Variants in NRF1 observed in about 807,000 individuals in gnomAD.
NRF1 encodes the protein alpha palindromic-binding protein.
A neutral mutation model predicts 58.5 loss-of-function variants in NRF1; 5 were observed. The observed-to-expected ratio is 0.09, with a 90% CI of 0.04 to 0.18. The LOEUF is 0.18. NRF1 is among the 10% of genes least tolerant of loss of function. The probability of loss-of-function intolerance (pLI) is 1.00; values close to 1 mark genes in which losing one functional copy is unlikely to be tolerated. For synonymous variants in NRF1, 224 were observed against 246.7 expected (o/e 0.91, Z 0.86); for missense variants, 288 against 657.7 (o/e 0.44, Z 6.15).
intron 1 of NRF1, among the ~76,000 whole-genome samples, chr7:129,628,067 G>A (rs571643098): frequency 6.0e-5 from 7 of 117,380 alleles, no homozygotes; most frequent in Admixed American, 1.1e-4. Flanking sequence ...TTTTTGAGAC[G>A]GAGTCTTGCT....
intron 2 of NRF1, among the ~76,000 whole-genome samples, chr7:129,664,139 G>A (rs982814177): frequency 1.3e-5 from 2 of 151,984 alleles, no homozygotes; most frequent in African/African-American, 4.8e-5. Context: ...AAAGGGGGAG[G>A]GGGAGGGGGA....
In NRF1 at chr7:129,626,402, G is replaced by T. The variant is rs1800920674; in HGVS notation, c.-7+14578G>T. Among the ~76,000 whole-genome samples, 3 of 152,136 alleles carry T rather than the reference G, an allele frequency of 2.0e-5. No homozygotes were observed. The South Asian group carries it at 6.2e-4, about 32-fold the overall frequency. ...GCCAACTGTGAGGCAGTCTAAGTTT[G>T]AATTAGGTTTATCTGTAGCCACATC... is the stretch of plus-strand genomic sequence containing the variant. On this transcript the variant is annotated intron_variant, in intron 1 of 10. Coordinates refer to ENST00000393232, the MANE Select transcript of NRF1 (RefSeq NM_005011.5).
At chr7:129,641,616 T>C (rs1801290430) in intron 1 of NRF1, 1 of 152,226 alleles carries the variant, frequency 6.6e-6, no homozygotes. Flanking sequence ...CTCAAAATGT[T>C]TATGTCTTTT....
At position 129,692,772 on chromosome 7, in the gene NRF1, T is replaced by C. The variant is rs539426693; in HGVS notation, c.606+2226T>C. Among the ~76,000 whole-genome samples, 5 of 152,252 alleles carry C rather than the reference T, an allele frequency of 3.3e-5. No homozygotes were observed. In the South Asian group the frequency reaches 8.3e-4, roughly 25 times the overall value. On this transcript the variant is annotated intron_variant, in intron 5 of 10. Transcript: ENST00000393232. ...GGGCTGCGGCCACTGTAGCCCTCTT[T>C]TCCTCAAACACCCTGCATCCGTTAT...
At chr7:129,627,393 A>G (rs567907546) in intron 1 of NRF1, among the ~76,000 whole-genome samples, 3 of 149,434 alleles carry the variant, frequency 2.0e-5, no homozygotes, top group African/African-American at 7.4e-5. Flanking sequence ...TTTTCTTTTT[A>G]TTTTTTTCGT....
At chr7:129,620,775 G>A (rs2151056146) in intron 1 of NRF1, among the ~76,000 whole-genome samples, 1 of 152,324 alleles carries the variant, frequency 6.6e-6, no homozygotes, top group East Asian at 1.9e-4. Flanking sequence ...CTACCAAGCT[G>A]GCTCATCTGT....
In NRF1 at chr7:129,622,601, G is replaced by A. The variant is rs547926744; in HGVS notation, c.-7+10777G>A. Among the ~76,000 whole-genome samples, 21 of 136,318 alleles carry A rather than the reference G, an allele frequency of 1.5e-4. No individual in the cohort carries two copies. In the South Asian group the frequency reaches 4.2e-3, roughly 28 times the overall value. The allele number at this position is 136,318 out of a possible 152,430, so 89.4% of individuals were successfully genotyped here. A position where few individuals can be genotyped will look rare whatever the true frequency, so the allele number is the denominator to read the frequency against. On this transcript the variant is annotated intron_variant, in intron 1 of 10. Transcript: ENST00000393232. ...TTTTTTTTTTTTGAGACAATGTCTC[G>A]CTCTGTTGCCCAGACTGGAGTGCAG... is the stretch of plus-strand genomic sequence containing the variant.
At chr7:129,742,275 TAAAAAAAA>T (rs71167214) in intron 10 of NRF1, among the ~76,000 whole-genome samples, 4 of 126,786 alleles carry the variant, frequency 3.2e-5, no homozygotes, top group African/African-American at 1.2e-4. Flanking sequence ...TGAAATTGAT[TAAAAAAAA>T]AAAAAAAAAC....
At chr7:129,632,935 A>G (rs1801083072) in intron 1 of NRF1, among the ~76,000 whole-genome samples, 1 of 152,146 alleles carries the variant, frequency 6.6e-6, no homozygotes, top group Non-Finnish European at 1.5e-5. Flanking sequence ...CCACTTATGT[A>G]TGTATTTTTT....
chr7:129,710,727 G>C (rs45491199), intron 7 of NRF1, among the ~76,000 whole-genome samples, 156 bp downstream of exon 7: 73 of 152,234 alleles, frequency 4.8e-4, no homozygotes, highest in African/African-American at 1.7e-3. Context: ...CTGAAGAATA[G>C]TTTAAATTCT....
chr7:129,649,545 C>T (rs952326501), intron 1 of NRF1, among the ~76,000 whole-genome samples: 1 of 152,130 alleles, frequency 6.6e-6, no homozygotes, highest in Non-Finnish European at 1.5e-5. Context: ...ATTTAACTCC[C>T]TTGGACATTT....
At chr7:129,647,807 A>G (rs1379546976) in intron 1 of NRF1, among the ~76,000 whole-genome samples, 1 of 152,256 alleles carries the variant, frequency 6.6e-6, no homozygotes, top group East Asian at 1.9e-4. Flanking sequence ...AAAATATTTG[A>G]TTAGTCATAC....
intron 10 of NRF1, among the ~76,000 whole-genome samples, chr7:129,754,483 A>AAAAAAAAAAAAAAAAAAAAT: frequency 6.8e-6 from 1 of 146,912 alleles, no homozygotes; most frequent in South Asian, 2.2e-4. Context: ...AAAAAAAAAA[A>AAAAAAAAAAAAAAAAAAAAT]GTTAAAATGG....
intron 1 of NRF1, among the ~76,000 whole-genome samples, chr7:129,619,433 T>TATATATATACACACACACAC (rs1554401492): frequency 1.5e-5 from 1 of 65,872 alleles, no homozygotes; most frequent in African/African-American, 8.2e-5. Context: ...TATATATATA[T>TATATATATACACACACACAC]ACACACACAC....
chr7:129,725,377 G>A (rs1162264867), intron 9 of NRF1, among the ~76,000 whole-genome samples: 1 of 151,326 alleles, frequency 6.6e-6, no homozygotes, highest in East Asian at 1.9e-4. Context: ...GCCCAGGCTG[G>A]AGTGCAATGG....
intron 2 of NRF1, among the ~76,000 whole-genome samples, chr7:129,667,768 T>C (rs908607442): frequency 5.3e-5 from 8 of 150,678 alleles, no homozygotes; most frequent in African/African-American, 1.9e-4. Flanking sequence ...TATTTATTTA[T>C]TTATTTATTT....
At chr7:129,750,641 G>C (rs1021273299) in intron 10 of NRF1, among the ~76,000 whole-genome samples, 1 of 152,202 alleles carries the variant, frequency 6.6e-6, no homozygotes, top group Non-Finnish European at 1.5e-5. Flanking sequence ...AAGGTGTGTG[G>C]CTGTCCTCAC....
intron 3 of NRF1, among the ~76,000 whole-genome samples, chr7:129,674,805 G>T (rs1802138364): frequency 6.6e-6 from 1 of 152,174 alleles, no homozygotes; most frequent in Admixed American, 6.5e-5. Context: ...TCTTATTGCT[G>T]GTTGACGGTC....
At chr7:129,696,080 AAAAAAAC>A (rs1448912752) in intron 5 of NRF1, among the ~76,000 whole-genome samples, 2 of 144,504 alleles carry the variant, frequency 1.4e-5, no homozygotes, top group African/African-American at 5.2e-5. Context: ...AAAAAAAAAA[AAAAAAAC>A]AACCAAATTA....
Sources: gnomAD v4.1 joint callset for allele counts (sites outside exome capture counted in the v4.1 genomes callset) on GRCh38, gnomAD v4.1.1 for gene constraint, MANE v1.5 for transcripts, NCBI Gene and HGNC (gene_info 2026-07-23, HGNC 2026-07-21) for gene names.